Variants in LCLAT1 observed in about 807,000 individuals in gnomAD.
LCLAT1 encodes the protein 1-AGP acyltransferase 8.
Under a neutral mutation model 30.7 loss-of-function variants are expected in LCLAT1, and 11 were observed. The ratio of observed to expected loss-of-function variants is 0.36; its 90% confidence interval spans 0.23 to 0.59. The LOEUF is 0.59. LCLAT1 is among the 20% of genes least tolerant of loss of function. The probability of loss-of-function intolerance (pLI) is 0.77; values close to 1 mark genes in which losing one functional copy is unlikely to be tolerated. For missense variants in LCLAT1, 402 were observed against 458.6 expected (o/e 0.88, Z 1.13); for synonymous variants, 155 against 151.3 (o/e 1.02, Z -0.18).
At chr2:30,629,606 C>T (rs1043091370) in intron 5 of LCLAT1, among the ~76,000 whole-genome samples, 1 of 152,072 alleles carries the variant, frequency 6.6e-6, no homozygotes, top group Non-Finnish European at 1.5e-5. Flanking sequence ...TCTTAAATTA[C>T]AATACCAAGC....
At chr2:30,483,744 G>C (rs142761782) in intron 1 of LCLAT1, among the ~76,000 whole-genome samples, 3 of 152,170 alleles carry the variant, frequency 2.0e-5, no homozygotes, top group African/African-American at 4.8e-5. Context: ...TCCATTTCCA[G>C]TTGTCTTAAC....
chr2:30,578,737 G>C (rs1182038253), intron 5 of LCLAT1, among the ~76,000 whole-genome samples: 1 of 152,040 alleles, frequency 6.6e-6, no homozygotes, highest in Non-Finnish European at 1.5e-5. Context: ...TTTCAGAAGA[G>C]GAACTTCATA....
At chr2:30,549,442 C>A (rs569176638) in intron 3 of LCLAT1, among the ~76,000 whole-genome samples, 7 of 152,256 alleles carry the variant, frequency 4.6e-5, no homozygotes, top group African/African-American at 1.4e-4. Context: ...CTAAAATTAT[C>A]TAAAAGATAT....
chr2:30,514,110 A>C (rs1685070220), intron 1 of LCLAT1, among the ~76,000 whole-genome samples: 1 of 152,244 alleles, frequency 6.6e-6, no homozygotes, highest in Non-Finnish European at 1.5e-5. Flanking sequence ...CAATATAAAC[A>C]GTGTCAGGGA....
intron 1 of LCLAT1, among the ~76,000 whole-genome samples, chr2:30,471,843 T>A (rs1424108495): frequency 6.6e-6 from 1 of 152,166 alleles, no homozygotes; most frequent in Non-Finnish European, 1.5e-5. Flanking sequence ...CTGATTTGGA[T>A]GAATTTTATT....
chr2:30,634,108 C>G (rs1224393898), intron 5 of LCLAT1, among the ~76,000 whole-genome samples: 1 of 152,208 alleles, frequency 6.6e-6, no homozygotes, highest in Non-Finnish European at 1.5e-5. Context: ...TTTCCTCACT[C>G]TGAGACTAAA....
At chr2:30,517,768 T>A (rs1384705794) in intron 1 of LCLAT1, among the ~76,000 whole-genome samples, 1 of 150,262 alleles carries the variant, frequency 6.7e-6, no homozygotes, top group African/African-American at 2.4e-5. Context: ...AGACAGAAAG[T>A]CAGAGAGAGA....
intron 5 of LCLAT1, among the ~76,000 whole-genome samples, chr2:30,610,596 T>C (rs1191850803): frequency 1.3e-5 from 2 of 152,142 alleles, no homozygotes; most frequent in Non-Finnish European, 2.9e-5. Context: ...TAAGCCTAGG[T>C]CTGATGTCAC....
intron 1 of LCLAT1, among the ~76,000 whole-genome samples, chr2:30,517,847 A>G (rs1325545520): frequency 6.6e-6 from 1 of 152,202 alleles, no homozygotes; most frequent in Admixed American, 6.5e-5. Flanking sequence ...TTTAAAACCT[A>G]TAATTGATAA....
chr2:30,533,407 T>G (rs1156271988), intron 3 of LCLAT1, 93 bp downstream of exon 3: 1 of 1,090,756 alleles, frequency 9.2e-7, no homozygotes, highest in Non-Finnish European at 1.4e-6. Context: ...GCGATTCCAT[T>G]TTTTTCCTCA....
chr2:30,484,495 A>C (rs1000742787), intron 1 of LCLAT1, among the ~76,000 whole-genome samples: 2 of 152,088 alleles, frequency 1.3e-5, no homozygotes, highest in African/African-American at 4.8e-5. Context: ...TCTCAGTTTC[A>C]TTATAACTTC....
At chr2:30,615,377 A>G (rs1237146395) in intron 5 of LCLAT1, among the ~76,000 whole-genome samples, 3 of 152,132 alleles carry the variant, frequency 2.0e-5, no homozygotes, top group Non-Finnish European at 4.4e-5. Flanking sequence ...ATTTCTTTTG[A>G]TTGATTTTCT....
intron 1 of LCLAT1, among the ~76,000 whole-genome samples, chr2:30,467,999 C>G (rs938304159): frequency 1.3e-5 from 2 of 152,206 alleles, no homozygotes; most frequent in African/African-American, 4.8e-5. Flanking sequence ...GTGTTTTAGA[C>G]ATGAAGTCCT....
intron 5 of LCLAT1, among the ~76,000 whole-genome samples, chr2:30,592,176 G>A (rs1185519270): frequency 6.6e-6 from 1 of 152,104 alleles, no homozygotes; most frequent in Non-Finnish European, 1.5e-5. Flanking sequence ...GACACTGACA[G>A]AACATCAAAG....
intron 5 of LCLAT1, among the ~76,000 whole-genome samples, chr2:30,595,709 A>C (rs932759840): frequency 5.9e-5 from 9 of 152,134 alleles, no homozygotes; most frequent in African/African-American, 2.2e-4. Context: ...AATGTGTGCC[A>C]TGGTGGTTTG....
chr2:30,627,342 C>T (rs1428600966), intron 5 of LCLAT1, among the ~76,000 whole-genome samples: 1 of 152,040 alleles, frequency 6.6e-6, no homozygotes, highest in Admixed American at 6.6e-5. Context: ...CCCTGGTCCC[C>T]TTCCCCACTT....
At chr2:30,558,501 G>A (rs1051273272) in intron 3 of LCLAT1, among the ~76,000 whole-genome samples, 4 of 151,236 alleles carry the variant, frequency 2.6e-5, no homozygotes, top group Non-Finnish European at 5.9e-5. Context: ...TCGAGGCTGA[G>A]GCTGGAGAAT....
In LCLAT1 at chr2:30,562,705, A is replaced by G. The variant is rs780428935; in HGVS notation, c.511+413A>G. Among the ~76,000 whole-genome samples, 19 of 152,286 alleles carry G rather than the reference A, an allele frequency of 1.2e-4. No individual in the cohort carries two copies. The Middle Eastern group carries it at 0.01, about 82-fold the overall frequency. On this transcript the variant is annotated intron_variant, in intron 4 of 5. Transcript: ENST00000379509. ...GCCTCAGAATATATTTTAAAATATC[A>G]GGCTTTTATCTTTATGTAAGTGTAA...
chr2:30,520,179 G>A (rs191922319), intron 1 of LCLAT1, among the ~76,000 whole-genome samples: 1 of 152,148 alleles, frequency 6.6e-6, no homozygotes, highest in Non-Finnish European at 1.5e-5. Flanking sequence ...GAACCCCCCA[G>A]GTCAGAGAGC....
Sources: allele counts gnomAD v4.1 joint callset (sites outside exome capture counted in the v4.1 genomes callset), GRCh38; gene constraint gnomAD v4.1.1; transcripts MANE v1.5; gene names NCBI Gene and HGNC (gene_info 2026-07-23, HGNC 2026-07-21).